Variants in PCDHGB3 observed in about 807,000 individuals in gnomAD.
PCDHGB3 encodes protocadherin gamma-B3.
Under a neutral mutation model 59.2 loss-of-function variants are expected in PCDHGB3, and 40 were observed. That is an observed-to-expected ratio of 0.68 (90% CI 0.52 to 0.88). PCDHGB3 has a LOEUF of 0.88. PCDHGB3 is among the 40% of genes least tolerant of loss of function. The probability of loss-of-function intolerance (pLI) is 0.00; values close to 1 mark genes in which losing one functional copy is unlikely to be tolerated. For missense variants in PCDHGB3, 1,309 were observed against 1,187.9 expected (o/e 1.10, Z -1.50); for synonymous variants, 581 against 503.6 (o/e 1.15, Z -2.06).
rs143278253 is a variant in PCDHGB3 at position 141,476,491 on chromosome 5, C to T, written c.2416-18316C>T. 9.5e-5 allele frequency: 153 copies of T among 1,613,894 alleles called. No individual in the cohort carries two copies. The highest frequency in any genetic ancestry group is 5.4e-5 in the Non-Finnish European group (64 of 1,180,020). On this transcript the variant is annotated intron_variant, in intron 1 of 3. Transcript: ENST00000576222. This position sits in a 1 kb window ranked among gnomAD's most constrained non-coding sequence, Gnocchi z 7.6. ...AGCTGTTCAGCGTGGAAGTGGTGAT[C>T]CAGGACATCAACGACAACAATCCTG... is the stretch of plus-strand genomic sequence containing the variant.
chr5:141,417,556 A>G, intron 1 of PCDHGB3: 1 of 333,096 alleles, frequency 3.0e-6, no homozygotes, highest in Non-Finnish European at 5.4e-6. Flanking sequence ...TGAAAGAGGT[A>G]GAGAAAAGTC....
chr5:141,503,181 A>C (rs532503504), intron 2 of PCDHGB3, among the ~76,000 whole-genome samples: 54 of 152,060 alleles, frequency 3.6e-4, no homozygotes, highest in African/African-American at 1.3e-3. Context: ...TCTATTGTGT[A>C]ATTATTTAAA....
rs781345070 is a variant in PCDHGB3, at chr5:141,371,941, C to A, written c.1547C>A (p.Ala516Glu). 1 of 1,613,174 alleles carries A rather than the reference C, an allele frequency of 6.2e-7. No individual in the cohort carries two copies. Among genetic ancestry groups the A allele is most frequent in the Non-Finnish European group, 8.5e-7 (1 of 1,179,900 alleles). The change falls in exon 1 of 4, where the codon GCG (alanine) becomes GAG (glutamate). Residue 516 changes from alanine (A) to glutamate (E), a missense_variant. Coordinates refer to ENST00000576222, the MANE Select transcript of PCDHGB3 (RefSeq NM_018924.5). ...AGCGCGCGGAGCGGGGTGGTGTTCG[C>A]GCAGCGAGCCTTCGACCACGAGCAG... ...SVSARSGVVF[A>E]QRAFDHEQLR...
chr5:141,415,890 C>A lies in PCDHGB3; in HGVS notation c.2415+43081C>A, dbSNP rs2095969500. The A allele has an allele frequency of 9.7e-6, 9 of 931,410 alleles. No homozygotes were observed. In the South Asian group the frequency reaches 2.3e-4, roughly 24 times the overall value. 57.7% of individuals were successfully genotyped at this position (931,410 alleles called of 1,614,324 possible). On this transcript the variant is annotated intron_variant, in intron 1 of 3. Coordinates refer to ENST00000576222, the MANE Select transcript of PCDHGB3 (RefSeq NM_018924.5). Reference sequence around the variant, plus strand: ...GTTGTTGAGTACAATATTGACAATTCCTAAGACAGACTTCCATACAGAAGT... The same window carrying A: ...GTTGTTGAGTACAATATTGACAATTACTAAGACAGACTTCCATACAGAAGT...
intron 1 of PCDHGB3, among the ~76,000 whole-genome samples, chr5:141,380,452 A>G (rs939705980): frequency 9.9e-5 from 15 of 152,226 alleles, no homozygotes; most frequent in African/African-American, 3.6e-4. Flanking sequence ...TTTTTAATGC[A>G]ACCAAACAAA....
At chr5:141,508,242 GC>G (rs1344624071) in intron 3 of PCDHGB3, 1 of 152,310 alleles carries the variant, frequency 6.6e-6, no homozygotes, top group African/African-American at 2.4e-5. Context: ...TCCTAAGTCT[GC>G]CTCTCCTGGG....
intron 1 of PCDHGB3, chr5:141,413,740 C>T (rs1274240064): frequency 5.6e-6 from 9 of 1,613,284 alleles, no homozygotes; most frequent in African/African-American, 1.3e-5. Flanking sequence ...AGTTCAGAGC[C>T]GTGCCAATGG....
chr5:141,488,748 T>C (rs2099679003), intron 1 of PCDHGB3, among the ~76,000 whole-genome samples: 1 of 152,270 alleles, frequency 6.6e-6, no homozygotes, highest in African/African-American at 2.4e-5. Flanking sequence ...ATGCAGGAAG[T>C]TGCTGGGACA....
chr5:141,403,753 C>T lies in PCDHGB3; in HGVS notation c.2415+30944C>T, dbSNP rs767515334. 1.5e-5 allele frequency: 25 copies of T among 1,613,504 alleles called. No homozygotes were observed. In the South Asian group the frequency reaches 2.6e-4, roughly 17 times the overall value. On this transcript the variant is annotated intron_variant, in intron 1 of 3. Transcript: ENST00000576222. ...CCTGGCTGCTTACTGCAACAGCCAG[C>T]GACCTGGATGAGGGAATCAACGGAA...
rs2099427993 is a variant in PCDHGB3, at chr5:141,477,978, T to C, written c.2416-16829T>C. Reference sequence around the variant, plus strand: ...TCCCCTAACCAGAGCCTTTTTGCCATAGGGCTGCACACTGGTCAAATCAGT... The same window carrying C: ...TCCCCTAACCAGAGCCTTTTTGCCACAGGGCTGCACACTGGTCAAATCAGT... On this transcript the variant is annotated intron_variant, in intron 1 of 3. Coordinates refer to ENST00000576222, the MANE Select transcript of PCDHGB3 (RefSeq NM_018924.5). This position sits in a 1 kb window ranked among gnomAD's most constrained non-coding sequence, Gnocchi z 4.9. 6.2e-7 allele frequency: 1 copy of C among 1,614,120 alleles called. No individual in the cohort carries two copies. Among genetic ancestry groups the C allele is most frequent in the Non-Finnish European group, 8.5e-7 (1 of 1,180,022 alleles).
chr5:141,405,770 G>T (rs989163026), intron 1 of PCDHGB3, among the ~76,000 whole-genome samples: 1 of 152,032 alleles, frequency 6.6e-6, no homozygotes. Context: ...GAGCCACTGC[G>T]CCTGGCCCTT....
chr5:141,492,023 C>A, intron 1 of PCDHGB3: 1 of 564,804 alleles, frequency 1.8e-6, no homozygotes, highest in Non-Finnish European at 3.0e-6. Context: ...TCGGGGGTCC[C>A]GGGAGGAGGC....
intron 1 of PCDHGB3, among the ~76,000 whole-genome samples, chr5:141,397,322 AATT>A (rs1264296504): frequency 6.6e-6 from 1 of 152,188 alleles, no homozygotes; most frequent in Non-Finnish European, 1.5e-5. Flanking sequence ...AGTAAAGAAA[AATT>A]ATTTTTATAA....
At chr5:141,403,901 A>G in intron 1 of PCDHGB3, 3 of 1,613,926 alleles carry the variant, frequency 1.9e-6, no homozygotes, top group Non-Finnish European at 2.5e-6. Context: ...ATTTTATGAA[A>G]TGGAAATACA....
At chr5:141,427,480 A>G in intron 1 of PCDHGB3, 1 of 531,758 alleles carries the variant, frequency 1.9e-6, no homozygotes, top group South Asian at 1.5e-5. Context: ...GCCAATAATG[A>G]CTATAAGCTT....
chr5:141,488,170 T>C (rs554585709), intron 1 of PCDHGB3, among the ~76,000 whole-genome samples: 2 of 152,318 alleles, frequency 1.3e-5, no homozygotes, highest in African/African-American at 2.4e-5. Context: ...ATCAGAGTGG[T>C]GGCATAGATC....
At chr5:141,427,306 A>G (rs1023837851) in intron 1 of PCDHGB3, 6 of 456,826 alleles carry the variant, frequency 1.3e-5, no homozygotes, top group African/African-American at 1.2e-4. Flanking sequence ...GAGAATGACA[A>G]TGCCCCAGAC....
chr5:141,478,246 C>T (rs1305046488), intron 1 of PCDHGB3: 1 of 1,614,100 alleles, frequency 6.2e-7, no homozygotes, highest in Admixed American at 1.7e-5. Context: ...TCACAGTGTT[C>T]GGAGTAATCA....
intron 1 of PCDHGB3, chr5:141,378,252 C>A (rs939045432): frequency 6.6e-6 from 1 of 152,178 alleles, no homozygotes; most frequent in Admixed American, 6.5e-5. Context: ...TGGCCGGGTG[C>A]GGTGGCTCAT....
Sources: allele counts gnomAD v4.1 joint callset (sites outside exome capture counted in the v4.1 genomes callset), GRCh38; gene constraint gnomAD v4.1.1; non-coding constraint Gnocchi (gnomAD v3.1); transcripts MANE v1.5; gene names NCBI Gene and HGNC (gene_info 2026-07-23, HGNC 2026-07-21).